Variants in SLC18A1 observed in about 807,000 individuals in gnomAD.
SLC18A1 encodes the protein solute carrier family 18 member A1, also known as chromaffin granule amine transporter.
SLC18A1 carries 69 observed loss-of-function variants against 53.7 expected under a neutral mutation model. The ratio of observed to expected loss-of-function variants is 1.28; its 90% CI spans 1.06 to 1.57. The LOEUF (loss-of-function observed/expected upper bound fraction) is 1.57. Among genes scored for constraint, SLC18A1 ranks in the 40% most tolerant of loss-of-function variants. SLC18A1 has a pLI of 0.00. For missense variants in SLC18A1, 932 were observed against 668.1 expected, an observed-to-expected ratio of 1.40 and a Z score of -4.35; for synonymous variants, 320 against 248.1, an observed-to-expected ratio of 1.29 and a Z score of -2.72.
chr8:20,165,831 C>T (rs948469924), intron 8 of SLC18A1, among the ~76,000 whole-genome samples: 3 of 152,132 alleles, frequency 2.0e-5, no homozygotes, highest in Non-Finnish European at 4.4e-5. Context: ...TTCTAGAGAG[C>T]TCCCTGACTC....
At chr8:20,173,235 G>C in intron 5 of SLC18A1, 107 bp from the exon 6 acceptor site, 1 of 806,288 alleles carries the variant, frequency 1.2e-6, no homozygotes, top group East Asian at 2.7e-5. Context: ...CTTAGCTAGA[G>C]TTTCAGTTTG....
chr8:20,148,058 G>A lies in SLC18A1; in HGVS notation c.1159C>T (p.His387Tyr), dbSNP rs2071448472. 2 of 1,613,980 alleles carry A rather than the reference G, an allele frequency of 1.2e-6. No homozygotes were observed. The highest frequency in any genetic ancestry group is 1.3e-5 in the African/African-American group (1 of 74,920). Residue 387 changes from histidine to tyrosine, a missense_variant, in exon 13 of 16, where the codon CAC becomes TAC. By Grantham distance (83) the His-to-Tyr change is moderately conservative. Coordinates refer to ENST00000276373, the MANE Select transcript of SLC18A1 (RefSeq NM_003053.4). ...GGGCCAATGAGACCAAAAATATTGT[G>A]AGCCAGAGGAACCTGCATGGGGAAG... ...GTSLLCVPLA[H>Y]NIFGLIGPNA...
Position 20,166,321 on chromosome 8 carries a change from A to ATATG in SLC18A1, c.859-1215_859-1214insCATA, listed in dbSNP as rs1554537699. Among the ~76,000 whole-genome samples the ATATG allele has an allele frequency of 6.6e-3, 639 of 97,098 alleles. 22 individuals carry two copies. The highest frequency in any genetic ancestry group is 9.4e-3 in the East Asian group (28 of 2,988). The allele number at this position is 97,098 out of a possible 152,430, so 63.7% of individuals were successfully genotyped here. ...TATATATATATATATATATATATAT[A>ATATG]TATATATATACACCACCAGGTGGAA... On this transcript the variant is annotated intron_variant, in intron 8 of 15. Transcript: ENST00000276373.
chr8:20,156,034 T>C (rs1585197761), intron 10 of SLC18A1, among the ~76,000 whole-genome samples: 2 of 152,364 alleles, frequency 1.3e-5, no homozygotes, highest in South Asian at 4.1e-4. Context: ...CTCAGCTCCT[T>C]GGCGAGGGCC....
At chr8:20,164,115 A>AT (rs2071894462) in intron 10 of SLC18A1, among the ~76,000 whole-genome samples, 1 of 152,198 alleles carries the variant, frequency 6.6e-6, no homozygotes, top group African/African-American at 2.4e-5. Context: ...ATGCTGAACT[A>AT]TATCATGTTC....
At chr8:20,173,167 G>GCCA in intron 5 of SLC18A1, 39 bp from the exon 6 acceptor site, 1 of 1,491,358 alleles carries the variant, frequency 6.7e-7, no homozygotes, top group Non-Finnish European at 9.1e-7. Context: ...CCCCCTGGGG[G>GCCA]GCTTCTATCC....
In SLC18A1 at chr8:20,170,007, C is replaced by T. The variant is rs542599885; in HGVS notation, c.858+1096G>A. Among the ~76,000 whole-genome samples the T allele has an allele frequency of 3.2e-4, 49 of 152,294 alleles. 1 individual carries two copies. Among genetic ancestry groups the T allele is most frequent in the Non-Finnish European group, 1.3e-4 (9 of 68,010 alleles). On this transcript the variant is annotated intron_variant, in intron 8 of 15. Transcript: ENST00000276373. ...TGAACCACCTGGATGAGTGTCCCTA[C>T]GCCTGGGCCAGGGCTGGAGGGGTGC...
At chr8:20,148,124 C>T in intron 12 of SLC18A1, 54 bp from the exon 13 acceptor site, 1 of 1,524,624 alleles carries the variant, frequency 6.6e-7, no homozygotes, top group Non-Finnish European at 9.1e-7. Context: ...CAGGTGGGAG[C>T]AAGGTTCAAA....
chr8:20,161,750 G>T (rs1712154061), intron 10 of SLC18A1, among the ~76,000 whole-genome samples: 1 of 152,208 alleles, frequency 6.6e-6, no homozygotes, highest in African/African-American at 2.4e-5. Context: ...TCTTAAAGCT[G>T]GAGAATAATT....
rs2071359660 is a variant in SLC18A1, at chr8:20,145,052, TAGG to T, written c.*708_*710del. 1 of 151,954 alleles carries T rather than the reference TAGG, an allele frequency of 6.6e-6. No individual in the cohort carries two copies. Among genetic ancestry groups the T allele is most frequent in the African/African-American group, 2.4e-5 (1 of 41,338 alleles). 9.4% of individuals were successfully genotyped at this position (151,954 alleles called of 1,614,324 possible). A position where few individuals can be genotyped will look rare whatever the true frequency, so the allele number is the denominator to read the frequency against. On this transcript the variant is annotated 3_prime_UTR_variant, in exon 16 of 16. Coordinates refer to ENST00000276373, the MANE Select transcript of SLC18A1 (RefSeq NM_003053.4). Reference sequence around the variant, plus strand: ...AAGAGTCTAAGAGGTTCAGAAAAGGTAGGAACACACAGGGGAGGTCAGGAGAAT... The same window carrying T: ...AAGAGTCTAAGAGGTTCAGAAAAGGTAACACACAGGGGAGGTCAGGAGAAT...
rs763329383 is a variant in SLC18A1 at position 20,147,590 on chromosome 8, C to A, written c.1330+13G>T. ...GACAGGGGAAAGTGGGGCACCAGGT[C>A]CTGCCAACATACCTATAGCAAAGCC... On this transcript the variant is annotated intron_variant, in intron 14 of 15. Coordinates refer to ENST00000276373, the MANE Select transcript of SLC18A1 (RefSeq NM_003053.4). 6.2e-6 allele frequency: 10 copies of A among 1,613,796 alleles called. No individual in the cohort carries two copies. In the Admixed American group the frequency reaches 1.5e-4, roughly 24 times the overall value.
At chr8:20,152,353 C>A (rs1563727813) in intron 10 of SLC18A1, among the ~76,000 whole-genome samples, 2 of 152,122 alleles carry the variant, frequency 1.3e-5, no homozygotes. Flanking sequence ...AGAATGGGTT[C>A]ATGGGACAAG....
chr8:20,148,644 C>A (rs550764382), intron 12 of SLC18A1: 1 of 427,374 alleles, frequency 2.3e-6, no homozygotes, highest in Non-Finnish European at 4.6e-6. Context: ...CCCTCCCAAT[C>A]CCCCAACAAA....
intron 13 of SLC18A1, 51 bp downstream of exon 13, chr8:20,147,956 C>G: frequency 6.3e-7 from 1 of 1,593,634 alleles, no homozygotes; most frequent in East Asian, 2.2e-5. Flanking sequence ...AGGCATCAGA[C>G]CCAAAGCCAA....
At chr8:20,149,586 CTCCCT>C (rs2071494122) in intron 12 of SLC18A1, 85 bp downstream of exon 12, 64 of 985,566 alleles carry the variant, frequency 6.5e-5, no homozygotes, top group South Asian at 4.3e-4. Context: ...CTCTCTCTCT[CTCCCT>C]CTCTCTCTCT....
chr8:20,179,922 G>A (rs982288902), intron 2 of SLC18A1, among the ~76,000 whole-genome samples: 2 of 152,202 alleles, frequency 1.3e-5, no homozygotes, highest in Non-Finnish European at 2.9e-5. Context: ...AGGAGGGGAT[G>A]GGAGGAGGAA....
At chr8:20,148,835 G>A (rs1585188276) in intron 12 of SLC18A1, among the ~76,000 whole-genome samples, 1 of 152,114 alleles carries the variant, frequency 6.6e-6, no homozygotes, top group South Asian at 2.1e-4. Flanking sequence ...AATAGTATTG[G>A]CTGAGATTCA....
rs770364346 is a variant in SLC18A1, at chr8:20,173,035, C to T, written c.724+1G>A. The stretch of plus-strand genomic sequence containing the variant: ...CCAGAGCTCCAGCTGGTGCCACTTA[C>T]CCAGCAACCCCAAGGCCAGGCCCCC... On this transcript the variant is annotated splice_donor_variant, in intron 6 of 15. Coordinates refer to ENST00000276373, the MANE Select transcript of SLC18A1 (RefSeq NM_003053.4). LOFTEE classifies it high-confidence loss of function. 4 of 1,572,162 alleles carry T rather than the reference C, an allele frequency of 2.5e-6. 1 individual carries two copies. The South Asian group carries it at 4.6e-5, about 18-fold the overall frequency.
Position 20,158,109 on chromosome 8 carries a change from T to C in SLC18A1, c.1015+6760A>G, listed in dbSNP as rs183481102. Among the ~76,000 whole-genome samples the C allele has an allele frequency of 3.1e-3, 472 of 152,276 alleles. 7 individuals carry two copies. The highest frequency in any genetic ancestry group is 0.011 in the African/African-American group (461 of 41,568). The stretch of plus-strand genomic sequence containing the variant: ...GGTGCCCAGGGCAAGTGCCAGCCCA[T>C]GTCATCACCCTCACAGAGCCCTGGG... On this transcript the variant is annotated intron_variant, in intron 10 of 15. Transcript: ENST00000276373.
Sources: gnomAD v4.1 joint callset for allele counts (sites outside exome capture counted in the v4.1 genomes callset) on GRCh38, gnomAD v4.1.1 for gene constraint, MANE v1.5 for transcripts, NCBI Gene and HGNC (gene_info 2026-07-23, HGNC 2026-07-21) for gene names.